The following PIP4K2A variants were observed in gnomAD, a reference collection of about 807,000 sequenced individuals.
PIP4K2A encodes phosphatidylinositol-5-phosphate 4-kinase type 2 alpha.
A neutral mutation model predicts 42.9 loss-of-function variants in PIP4K2A; 14 were observed. The observed-to-expected ratio is 0.33, with a 90% CI of 0.22 to 0.51. The LOEUF is 0.51. PIP4K2A is among the 20% of genes least tolerant of loss of function. The pLI, the probability that PIP4K2A is intolerant of heterozygous loss-of-function variation, is 0.97. For missense variants in PIP4K2A, 434 were observed against 519.8 expected, an observed-to-expected ratio of 0.83 and a Z score of 1.61; for synonymous variants, 192 against 192.2, an observed-to-expected ratio of 1.00 and a Z score of 0.01.
chr10:22,613,701 G>A (rs565271560), intron 1 of PIP4K2A, among the ~76,000 whole-genome samples: 86 of 152,274 alleles, frequency 5.6e-4, no homozygotes, highest in Non-Finnish European at 9.3e-4. Flanking sequence ...AGAGCTGAGC[G>A]TCATCCACAG....
chr10:22,541,707 C>A, intron 8 of PIP4K2A, 97 bp downstream of exon 8: 1 of 1,363,554 alleles, frequency 7.3e-7, no homozygotes, highest in Non-Finnish European at 9.8e-7. Context: ...TGCTGCCGGG[C>A]AGCACCCTCA....
rs979968713 is a variant in PIP4K2A at position 22,542,164 on chromosome 10, C to T, written c.793-117G>A. The T allele has an allele frequency of 2.8e-5, 22 of 793,844 alleles. 1 individual carries two copies. Among genetic ancestry groups the T allele is most frequent in the South Asian group, 2.4e-4 (14 of 58,316 alleles). The allele number at this position is 793,844 out of a possible 1,614,324, so 49.2% of individuals were successfully genotyped here. A position where few individuals can be genotyped will look rare whatever the true frequency, so the allele number is the denominator to read the frequency against. On this transcript the variant is annotated intron_variant, in intron 7 of 9. Transcript: ENST00000376573. Reference sequence around the variant, plus strand: ...AGGCTGTGGGGTGGGGCAGCAGAGGCGCCGGGTGCCTCCTTCACGATGCTC... The same window carrying T: ...AGGCTGTGGGGTGGGGCAGCAGAGGTGCCGGGTGCCTCCTTCACGATGCTC...
intron 7 of PIP4K2A, among the ~76,000 whole-genome samples, chr10:22,549,351 CTTTTTTTTTTT>C (rs74261081): frequency 7.0e-6 from 1 of 141,872 alleles, no homozygotes; most frequent in Non-Finnish European, 1.5e-5. Context: ...TTTTCTTTTT[CTTTTTTTTTTT>C]TTGGTTTAAT....
intron 1 of PIP4K2A, among the ~76,000 whole-genome samples, chr10:22,710,426 G>A (rs1833893658): frequency 6.6e-6 from 1 of 152,240 alleles, no homozygotes; most frequent in Admixed American, 6.5e-5. Context: ...ACCAAGGCCA[G>A]ACCAATCCCA....
chr10:22,535,734 C>T lies in PIP4K2A; in HGVS notation c.*1467G>A. 5.4e-6 allele frequency: 1 copy of T among 184,558 alleles called. No homozygotes were observed. The highest frequency in any genetic ancestry group is 1.1e-5 in the Non-Finnish European group (1 of 89,714). 11.4% of individuals were successfully genotyped at this position (184,558 alleles called of 1,614,324 possible). ...TAAGCTCAATGCCTTTTGGAAAATG[C>T]AGGAGAGTTGGTAGATACATGATCT... On this transcript the variant is annotated 3_prime_UTR_variant, in exon 10 of 10. Coordinates refer to ENST00000376573, the MANE Select transcript of PIP4K2A (RefSeq NM_005028.5).
intron 7 of PIP4K2A, among the ~76,000 whole-genome samples, chr10:22,547,701 A>C (rs554960384): frequency 6.6e-6 from 1 of 152,222 alleles, no homozygotes; most frequent in African/African-American, 2.4e-5. Context: ...ATGTGAGTCA[A>C]TGAGAGGAGA....
intron 1 of PIP4K2A, among the ~76,000 whole-genome samples, chr10:22,640,594 C>G (rs1330331140): frequency 6.6e-6 from 1 of 152,116 alleles, no homozygotes; most frequent in Non-Finnish European, 1.5e-5. Flanking sequence ...CGTGCAGAGC[C>G]TAGGGGATTG....
intron 1 of PIP4K2A, among the ~76,000 whole-genome samples, chr10:22,618,184 A>C (rs958622652): frequency 2.6e-5 from 4 of 152,134 alleles, no homozygotes; most frequent in African/African-American, 9.7e-5. Context: ...ATTACAGATA[A>C]AAATCTCTCC....
intron 1 of PIP4K2A, among the ~76,000 whole-genome samples, chr10:22,650,560 G>A (rs1838973797): frequency 6.6e-6 from 1 of 152,182 alleles, no homozygotes; most frequent in Non-Finnish European, 1.5e-5. Context: ...ACCTATTTGA[G>A]CTCAATTTTA....
At chr10:22,628,226 A>AATTCAATAAAAT (rs1324120153) in intron 1 of PIP4K2A, among the ~76,000 whole-genome samples, 1 of 152,252 alleles carries the variant, frequency 6.6e-6, no homozygotes, top group Non-Finnish European at 1.5e-5. Context: ...GCATAAAATA[A>AATTCAATAAAAT]ATTCAATAAA....
At chr10:22,632,170 G>A (rs141239069) in intron 1 of PIP4K2A, among the ~76,000 whole-genome samples, 51 of 152,214 alleles carry the variant, frequency 3.4e-4, no homozygotes, top group African/African-American at 1.2e-3. Context: ...ACAACCAAAT[G>A]CATCAGGTGA....
At chr10:22,712,913 G>GGT (rs35439666) in intron 1 of PIP4K2A, among the ~76,000 whole-genome samples, 22,719 of 147,474 alleles carry the variant, frequency 0.15, 1,816 homozygotes, top group Non-Finnish European at 0.19. Context: ...CTACATTGAG[G>GGT]GTGTGTGTGT....
At chr10:22,597,237 C>G (rs181673437) in intron 3 of PIP4K2A, among the ~76,000 whole-genome samples, 44 of 152,242 alleles carry the variant, frequency 2.9e-4, no homozygotes, top group African/African-American at 1.0e-3. Flanking sequence ...GTGGAATAAG[C>G]CTTTGGGACA....
intron 9 of PIP4K2A, among the ~76,000 whole-genome samples, chr10:22,538,850 C>T (rs889562086): frequency 2.0e-5 from 3 of 152,196 alleles, no homozygotes; most frequent in Admixed American, 6.5e-5. Context: ...AATACCATAG[C>T]TATCGACAAT....
chr10:22,605,525 A>C (rs1837887389), intron 3 of PIP4K2A, among the ~76,000 whole-genome samples: 2 of 152,234 alleles, frequency 1.3e-5, no homozygotes, highest in African/African-American at 4.8e-5. Context: ...GAAATTTTAA[A>C]AACTACTTTT....
intron 1 of PIP4K2A, chr10:22,691,549 G>C (rs1839868663): frequency 6.6e-6 from 1 of 152,004 alleles, no homozygotes; most frequent in Non-Finnish European, 1.5e-5. Flanking sequence ...TAAAATCTAA[G>C]TCCTCACATG....
intron 1 of PIP4K2A, among the ~76,000 whole-genome samples, chr10:22,690,165 TAAACCTCAAAA>T (rs151020698): frequency 0.17 from 26,111 of 152,134 alleles, 2,442 homozygotes; most frequent in Middle Eastern, 0.26. Context: ...TTAACTCATT[TAAACCTCAAAA>T]AAACCCTATT....
chr10:22,541,252 C>T (rs1836104669), intron 8 of PIP4K2A, among the ~76,000 whole-genome samples: 1 of 152,142 alleles, frequency 6.6e-6, no homozygotes, highest in African/African-American at 2.4e-5. Flanking sequence ...GATTCCCACC[C>T]CACCCACAGG....
chr10:22,615,234 GAGCTGGGACTAC>G (rs1330277137), intron 1 of PIP4K2A, among the ~76,000 whole-genome samples: 1 of 152,116 alleles, frequency 6.6e-6, no homozygotes, highest in Non-Finnish European at 1.5e-5. Context: ...AGTCTTCTGA[GAGCTGGGACTAC>G]AGGCGCACAC....
Sources: gnomAD v4.1 joint callset for allele counts (sites outside exome capture counted in the v4.1 genomes callset) on GRCh38, gnomAD v4.1.1 for gene constraint, MANE v1.5 for transcripts, NCBI Gene and HGNC (gene_info 2026-07-23, HGNC 2026-07-21) for gene names.